Variants in CLDN15 observed in about 807,000 individuals in gnomAD.
CLDN15 encodes the protein claudin-15.
In CLDN15, 9 loss-of-function variants were observed where a neutral mutation model predicts 24.5. The ratio of observed to expected loss-of-function variants is 0.37; its 90% CI spans 0.22 to 0.64. The LOEUF is 0.64. CLDN15 is among the 30% of genes least tolerant of loss of function. The pLI is 0.63. For missense variants in CLDN15, 248 were observed against 305.9 expected (o/e 0.81, Z 1.41); for synonymous variants, 149 against 131.4 (o/e 1.13, Z -0.92).
Position 101,232,672 on chromosome 7 carries a change from G to C in CLDN15, c.513C>G (p.Ile171Met), listed in dbSNP as rs915517375. The C allele has an allele frequency of 5.7e-6, 9 of 1,592,164 alleles. No individual in the cohort carries two copies. The highest frequency in any genetic ancestry group is 7.7e-6 in the Non-Finnish European group (9 of 1,169,844). The change falls in exon 4 of 5, where the codon ATC (isoleucine) becomes ATG (methionine). Residue 171 changes from isoleucine (I) to methionine (M), a missense_variant. Physicochemically the swap from Ile to Met is conservative, Grantham distance 10. Coordinates refer to ENST00000308344, the MANE Select transcript of CLDN15 (RefSeq NM_014343.3). The part of the protein sequence containing the change: ...ALYLGWSASL[I>M]SILGGLCLCS... ...AGAGGCAGAGGCCACCCAGGATGGA[G>C]ATCAGTGAGGCGCTCCACCCCAGGT...
Position 101,232,387 on chromosome 7 carries a change from G to T in CLDN15, c.*23C>A, listed in dbSNP as rs964368649. ...CTCTCCTTGGGGCAGTGGGAAGACA[G>T]CGGGGCCCACGGGCCAGAGCTGCTA... is the stretch of plus-strand genomic sequence containing the variant. On this transcript the variant is annotated 3_prime_UTR_variant, in exon 5 of 5. Coordinates refer to ENST00000308344, the MANE Select transcript of CLDN15 (RefSeq NM_014343.3). The T allele has an allele frequency of 9.0e-6, 14 of 1,548,758 alleles. No homozygotes were observed. Among genetic ancestry groups the T allele is most frequent in the African/African-American group, 1.4e-5 (1 of 73,518 alleles).
rs747358908 is a variant in CLDN15 at position 101,232,409 on chromosome 7, G to T, written c.*1C>A. On this transcript the variant is annotated 3_prime_UTR_variant, in exon 5 of 5. Coordinates refer to ENST00000308344, the MANE Select transcript of CLDN15 (RefSeq NM_014343.3). ...ACAGCGGGGCCCACGGGCCAGAGCTGCTACACGTAGGCGTTTCTGCCGTAT... is the reference window on the plus strand; with the variant it reads ...ACAGCGGGGCCCACGGGCCAGAGCTTCTACACGTAGGCGTTTCTGCCGTAT... The T allele has an allele frequency of 6.2e-7, 1 of 1,606,936 alleles. No homozygotes were observed. Among genetic ancestry groups the T allele is most frequent in the Admixed American group, 1.7e-5 (1 of 59,948 alleles).
chr7:101,234,153 C>G, intron 2 of CLDN15, 125 bp downstream of exon 2: 1 of 830,538 alleles, frequency 1.2e-6, no homozygotes, highest in Non-Finnish European at 2.1e-6. Flanking sequence ...GAGCAGGTGT[C>G]CATGCAGCAG....
At chr7:101,234,724 G>GC (rs1220814419) in intron 1 of CLDN15, among the ~76,000 whole-genome samples, 2 of 151,920 alleles carry the variant, frequency 1.3e-5, no homozygotes, top group East Asian at 3.9e-4. Flanking sequence ...ACTGTGCCAG[G>GC]CCCCCCTCAC....
chr7:101,234,146 C>T (rs780762825), intron 2 of CLDN15, 132 bp downstream of exon 2: 1 of 808,780 alleles, frequency 1.2e-6, no homozygotes, highest in Admixed American at 1.7e-5. Context: ...CAGGGGTGAG[C>T]AGGTGTCCAT....
In CLDN15 at chr7:101,237,136, T is replaced by C. The variant is rs1798642821; in HGVS notation, c.217+229A>G. Among the ~76,000 whole-genome samples the C allele has an allele frequency of 6.6e-6, 1 of 152,188 alleles. No individual in the cohort carries two copies. The highest frequency in any genetic ancestry group is 3.2e-3 in the Middle Eastern group (1 of 316). ...GGAAAGGGGGTCTGATTCTGGTGCCTGCACCTGTAACAGCTAAAAGCGCCA... is the reference window on the plus strand; with the variant it reads ...GGAAAGGGGGTCTGATTCTGGTGCCCGCACCTGTAACAGCTAAAAGCGCCA... On this transcript the variant is annotated intron_variant, in intron 1 of 4. Coordinates refer to ENST00000308344, the MANE Select transcript of CLDN15 (RefSeq NM_014343.3). The surrounding 1 kb of genome is among the most constrained non-coding windows in gnomAD (Gnocchi z 4.0).
At position 101,232,898 on chromosome 7, in the gene CLDN15, C is replaced by G. The variant is rs753646317; in HGVS notation, c.399G>C (p.Val133=). The change falls in exon 3 of 5, where the codon GTG becomes GTC. Residue 133 remains valine, a synonymous_variant. Coordinates refer to ENST00000308344, the MANE Select transcript of CLDN15 (RefSeq NM_014343.3). ...LHILAGICGM[V]AISWYAFNIT... is the part of the protein sequence containing the mutation. ...TGTTGAAGGCGTACCAGGAGATGGC[C>G]ACCATCCCGCAGATACCTGGGGACC... 6.2e-7 allele frequency: 1 copy of G among 1,612,876 alleles called. No individual in the cohort carries two copies. The highest frequency in any genetic ancestry group is 2.2e-5 in the East Asian group (1 of 44,826).
At position 101,237,633 on chromosome 7, in the gene CLDN15, G is replaced by C; in HGVS notation, c.-52C>G. 4 of 1,341,124 alleles carry C rather than the reference G, an allele frequency of 3.0e-6. No individual in the cohort carries two copies. Among genetic ancestry groups the C allele is most frequent in the Non-Finnish European group, 4.3e-6 (4 of 937,356 alleles). The allele number at this position is 1,341,124 out of a possible 1,614,324, so 83.1% of individuals were successfully genotyped here. ...GGTGCCCCAGAGAGGGGGAGGGGCA[G>C]AACCCCTAGGGAACTGGAAGGGGCT... On this transcript the variant is annotated 5_prime_UTR_variant, in exon 1 of 5. Coordinates refer to ENST00000308344, the MANE Select transcript of CLDN15 (RefSeq NM_014343.3). This position sits in a 1 kb window ranked among gnomAD's most constrained non-coding sequence, Gnocchi z 4.0.
intron 2 of CLDN15, 91 bp from the exon 3 acceptor site, chr7:101,233,005 G>T: frequency 1.2e-6 from 1 of 847,938 alleles, no homozygotes. Context: ...GCTGCCCAGA[G>T]TAGGACGGGG....
Position 101,232,157 on chromosome 7 carries a change from C to T in CLDN15, c.*253G>A, listed in dbSNP as rs974662860. The T allele has an allele frequency of 4.3e-5, 21 of 485,088 alleles. No homozygotes were observed. The highest frequency in any genetic ancestry group is 7.3e-5 in the Non-Finnish European group (20 of 273,616). The allele number at this position is 485,088 out of a possible 1,614,324, so 30.0% of individuals were successfully genotyped here. Reference sequence around the variant, plus strand: ...ACACAATACAAACGTGCGGGGACACCGTCCCCTTCACAGCCCAGAACCCAG... The same window carrying T: ...ACACAATACAAACGTGCGGGGACACTGTCCCCTTCACAGCCCAGAACCCAG... On this transcript the variant is annotated 3_prime_UTR_variant, in exon 5 of 5. Transcript: ENST00000308344.
rs1027266090 is a variant in CLDN15 at position 101,232,623 on chromosome 7, C to T, written c.562G>A (p.Asp188Asn). The change falls in exon 4 of 5, where the codon GAC becomes AAC. Residue 188 changes from aspartate to asparagine, a missense_variant. Transcript: ENST00000308344. ...GCTCACCTGGCGGCTGGGTCCTCGT[C>T]AGAGCCGCAGCAGCAGGCGGAGCAG... ...CLCSACCCGS[D>N]EDPAASARRP... 6.3e-7 allele frequency: 1 copy of T among 1,589,266 alleles called. No homozygotes were observed. Among genetic ancestry groups the T allele is most frequent in the Non-Finnish European group, 8.6e-7 (1 of 1,168,168 alleles).
chr7:101,235,341 C>T (rs1258350483), intron 1 of CLDN15, among the ~76,000 whole-genome samples: 1 of 152,088 alleles, frequency 6.6e-6, no homozygotes, highest in African/African-American at 2.4e-5. Flanking sequence ...ATCACTGTAG[C>T]CTTGATTGAA....
At position 101,237,250 on chromosome 7, in the gene CLDN15, A is replaced by T; in HGVS notation, c.217+115T>A. The T allele has an allele frequency of 1.3e-6, 1 of 749,584 alleles. No individual in the cohort carries two copies. The highest frequency in any genetic ancestry group is 1.7e-5 in the African/African-American group (1 of 57,876). 46.4% of individuals were successfully genotyped at this position (749,584 alleles called of 1,614,324 possible). ...AGCACTCCTGGCTGCGGGAACTCAGACCCGCAGAGCTTAATTCAGGGCTCC... is the reference window on the plus strand; with the variant it reads ...AGCACTCCTGGCTGCGGGAACTCAGTCCCGCAGAGCTTAATTCAGGGCTCC... On this transcript the variant is annotated intron_variant, in intron 1 of 4. Coordinates refer to ENST00000308344, the MANE Select transcript of CLDN15 (RefSeq NM_014343.3). This position sits in a 1 kb window ranked among gnomAD's most constrained non-coding sequence, Gnocchi z 4.0.
intron 1 of CLDN15, among the ~76,000 whole-genome samples, chr7:101,235,554 T>C (rs578184869): frequency 1.3e-5 from 2 of 152,182 alleles, no homozygotes; most frequent in South Asian, 4.1e-4. Flanking sequence ...GCTTCCCCCT[T>C]CTCCTCCCTT....
chr7:101,232,587 C>A lies in CLDN15; in HGVS notation c.581+17G>T. 1.3e-6 allele frequency: 2 copies of A among 1,594,292 alleles called. No individual in the cohort carries two copies. Among genetic ancestry groups the A allele is most frequent in the Non-Finnish European group, 1.7e-6 (2 of 1,169,502 alleles). Reference sequence around the variant, plus strand: ...TCCAATCCCGCCCGGCCCCAGCCTGCGCCTCACCCTGCTCACCTGGCGGCT... The same window carrying A: ...TCCAATCCCGCCCGGCCCCAGCCTGAGCCTCACCCTGCTCACCTGGCGGCT... On this transcript the variant is annotated intron_variant, in intron 4 of 4. Transcript: ENST00000308344.
Position 101,237,459 on chromosome 7 carries a change from G to A in CLDN15, c.123C>T (p.Thr41=). The stretch of plus-strand genomic sequence containing the variant: ...ACCAGAGGTTCTCGAAGATGGTGTT[G>A]GTGGTGATGACGTTCCCGTGCACAG... The part of the protein sequence containing the change: ...VSTVHGNVIT[T]NTIFENLWFS... Residue 41 remains threonine (T), a synonymous_variant, in exon 1 of 5, where the codon ACC becomes ACT. Transcript: ENST00000308344. The surrounding 1 kb of genome is among the most constrained non-coding windows in gnomAD (Gnocchi z 4.0). 3 of 1,613,994 alleles carry A rather than the reference G, an allele frequency of 1.9e-6. No individual in the cohort carries two copies. The highest frequency in any genetic ancestry group is 2.2e-5 in the East Asian group (1 of 44,892).
chr7:101,235,112 C>G (rs929364210), intron 1 of CLDN15, among the ~76,000 whole-genome samples: 2 of 152,208 alleles, frequency 1.3e-5, no homozygotes, highest in African/African-American at 2.4e-5. Flanking sequence ...GCTGGGTATA[C>G]AGAAACCACA....
chr7:101,237,640 T>C lies in CLDN15; in HGVS notation c.-59A>G. 2.3e-6 allele frequency: 3 copies of C among 1,280,536 alleles called. No individual in the cohort carries two copies. The highest frequency in any genetic ancestry group is 2.3e-6 in the Non-Finnish European group (2 of 884,676). 79.3% of individuals were successfully genotyped at this position (1,280,536 alleles called of 1,614,324 possible). On this transcript the variant is annotated 5_prime_UTR_variant, in exon 1 of 5. Transcript: ENST00000308344. This position sits in a 1 kb window ranked among gnomAD's most constrained non-coding sequence, Gnocchi z 4.0. ...CAGAGAGGGGGAGGGGCAGAACCCCTAGGGAACTGGAAGGGGCTGCGGCTA... is the reference window on the plus strand; with the variant it reads ...CAGAGAGGGGGAGGGGCAGAACCCCCAGGGAACTGGAAGGGGCTGCGGCTA...
chr7:101,235,358 G>A (rs1474996869), intron 1 of CLDN15, among the ~76,000 whole-genome samples: 1 of 152,128 alleles, frequency 6.6e-6, no homozygotes, highest in African/African-American at 2.4e-5. Flanking sequence ...TGAACTCCTG[G>A]ATGCAGGCGA....
Sources: gnomAD v4.1 joint callset for allele counts (sites outside exome capture counted in the v4.1 genomes callset) on GRCh38, gnomAD v4.1.1 for gene constraint, Gnocchi (gnomAD v3.1) non-coding constraint, MANE v1.5 for transcripts, NCBI Gene and HGNC (gene_info 2026-07-23, HGNC 2026-07-21) for gene names.